The following PIK3C2G variants were observed in gnomAD, a reference collection of about 807,000 sequenced individuals.
PIK3C2G encodes phosphatidylinositol 3-kinase C2 domain-containing subunit gamma.
PIK3C2G carries 168 observed loss-of-function variants against 181.1 expected under a neutral mutation model. The ratio of observed to expected loss-of-function variants is 0.93; its 90% CI spans 0.82 to 1.05. The LOEUF (loss-of-function observed/expected upper bound fraction) is 1.05, where lower values mean the gene tolerates loss of function less well. Among genes scored for constraint, PIK3C2G ranks in the 50% least tolerant of loss-of-function variants. The pLI is 0.00. For synonymous variants in PIK3C2G, 573 were observed against 592.2 expected, an observed-to-expected ratio of 0.97 and a Z score of 0.47; for missense variants, 1,869 against 1,732.8, an observed-to-expected ratio of 1.08 and a Z score of -1.40.
chr12:18,445,250 C>A (rs1394714304), intron 18 of PIK3C2G, among the ~76,000 whole-genome samples: 2 of 151,908 alleles, frequency 1.3e-5, no homozygotes, highest in Non-Finnish European at 2.9e-5. Context: ...GAATTAATTT[C>A]TTTAATTAAC....
intron 16 of PIK3C2G, among the ~76,000 whole-genome samples, chr12:18,419,778 A>T (rs1198018906): frequency 6.6e-6 from 1 of 152,192 alleles, no homozygotes. Context: ...TTAATGAAGA[A>T]AAAATATGTA....
At chr12:18,490,913 C>T (rs548811482) in intron 19 of PIK3C2G, among the ~76,000 whole-genome samples, 1 of 152,234 alleles carries the variant, frequency 6.6e-6, no homozygotes, top group African/African-American at 2.4e-5. Context: ...GAAATATACT[C>T]ATTGATGTCC....
At chr12:18,488,106 T>G (rs1322177684) in intron 18 of PIK3C2G, among the ~76,000 whole-genome samples, 1 of 152,152 alleles carries the variant, frequency 6.6e-6, no homozygotes, top group Admixed American at 6.6e-5. Context: ...TTATAAAAAC[T>G]ATTTCTAAAG....
At chr12:18,466,880 T>C (rs1937939928) in intron 18 of PIK3C2G, among the ~76,000 whole-genome samples, 1 of 152,032 alleles carries the variant, frequency 6.6e-6, no homozygotes, top group African/African-American at 2.4e-5. Context: ...TAATAACATT[T>C]GACACAAACA....
chr12:18,264,092 G>A (rs1398255473), intron 1 of PIK3C2G, among the ~76,000 whole-genome samples: 3 of 151,742 alleles, frequency 2.0e-5, no homozygotes, highest in Non-Finnish European at 4.4e-5. Context: ...GCTTCCTACC[G>A]GTAGAAAATA....
At chr12:18,659,680 T>TTTA in the PIK3C2G span, among the ~76,000 whole-genome samples, 1 of 148,422 alleles carries the variant, frequency 6.7e-6, no homozygotes, top group Non-Finnish European at 1.5e-5. Flanking sequence ...TTTTTTTTTT[T>TTTA]ACTATTATTA....
chr12:18,417,756 C>CAA (rs530211891), intron 16 of PIK3C2G, among the ~76,000 whole-genome samples: 9 of 143,436 alleles, frequency 6.3e-5, no homozygotes, highest in Non-Finnish European at 1.1e-4. Context: ...TTAAAAAAAA[C>CAA]AAAAAAAAAA....
rs1950252448 is a variant in PIK3C2G at position 18,648,159 on chromosome 12, T to A, written c.*131T>A. 1 of 431,512 alleles carries A rather than the reference T, an allele frequency of 2.3e-6. No individual in the cohort carries two copies. Among genetic ancestry groups the A allele is most frequent in the Non-Finnish European group, 4.0e-6 (1 of 248,762 alleles). 26.7% of individuals were successfully genotyped at this position (431,512 alleles called of 1,614,324 possible). On this transcript the variant is annotated 3_prime_UTR_variant, in exon 33 of 33. Coordinates refer to ENST00000538779, the MANE Select transcript of PIK3C2G (RefSeq NM_001288772.2). ...GGGTATTAAGGACACAGAAAAAAAA[T>A]CAGAATTAGTCTTTTGTGTTGTTTA... is the stretch of plus-strand genomic sequence containing the variant.
At chr12:18,465,237 T>C (rs1447414872) in intron 18 of PIK3C2G, among the ~76,000 whole-genome samples, 1 of 151,940 alleles carries the variant, frequency 6.6e-6, no homozygotes, top group East Asian at 1.9e-4. Context: ...TTTAGCGTAC[T>C]TTATGTGTGT....
At chr12:18,270,984 T>C (rs1403764313) in intron 1 of PIK3C2G, among the ~76,000 whole-genome samples, 1 of 152,076 alleles carries the variant, frequency 6.6e-6, no homozygotes, top group Non-Finnish European at 1.5e-5. Context: ...TTGCTGATTT[T>C]TTTAGGCTTC....
chr12:18,566,179 T>G (rs1161205927), intron 28 of PIK3C2G, among the ~76,000 whole-genome samples: 1 of 152,338 alleles, frequency 6.6e-6, no homozygotes, highest in Admixed American at 6.5e-5. Flanking sequence ...ACATACATCT[T>G]TATCTTTGCT....
At chr12:18,294,521 T>C (rs1490266952) in intron 5 of PIK3C2G, among the ~76,000 whole-genome samples, 4 of 151,970 alleles carry the variant, frequency 2.6e-5, no homozygotes, top group Non-Finnish European at 5.9e-5. Context: ...GAAGAGTAAG[T>C]TCTAAACCAC....
intron 24 of PIK3C2G, among the ~76,000 whole-genome samples, chr12:18,529,125 A>G (rs533140133): frequency 6.6e-6 from 1 of 152,188 alleles, no homozygotes; most frequent in African/African-American, 2.4e-5. Flanking sequence ...ATTGGGATAG[A>G]TGACTGTTTC....
chr12:18,311,867 G>A lies in PIK3C2G; in HGVS notation c.1035-2095G>A, dbSNP rs755376395. Among the ~76,000 whole-genome samples, 14 of 152,164 alleles carry A rather than the reference G, an allele frequency of 9.2e-5. No individual in the cohort carries two copies. In the East Asian group the frequency reaches 1.5e-3, roughly 17 times the overall value. On this transcript the variant is annotated intron_variant, in intron 5 of 32. Transcript: ENST00000538779. ...AGCTAAAGAGCAAGAAAGCCAGTCC[G>A]AGTCCCAAAAACCTCAAAAGTAGGG... is the stretch of plus-strand genomic sequence containing the variant.
At chr12:18,276,732 T>C (rs1356442682) in intron 1 of PIK3C2G, among the ~76,000 whole-genome samples, 2 of 152,224 alleles carry the variant, frequency 1.3e-5, no homozygotes, top group African/African-American at 4.8e-5. Context: ...TTCATTTTTG[T>C]ATTACAAGTG....
chr12:18,501,117 C>T lies in PIK3C2G; in HGVS notation c.3017-2164C>T, dbSNP rs146238855. ...ACCTTAAGAGCTGTAACACTCACCG[C>T]GAAGGTCCGCGGCTTCATTCTTGAA... is the stretch of plus-strand genomic sequence containing the variant. On this transcript the variant is annotated intron_variant, in intron 22 of 32. Coordinates refer to ENST00000538779, the MANE Select transcript of PIK3C2G (RefSeq NM_001288772.2). 4.2e-3 allele frequency among the ~76,000 whole-genome samples: 633 copies of T among 152,292 alleles called. 4 individuals are homozygous for T. Among genetic ancestry groups the T allele is most frequent in the Non-Finnish European group, 6.1e-3 (414 of 68,024 alleles).
intron 6 of PIK3C2G, among the ~76,000 whole-genome samples, chr12:18,315,742 A>G (rs1261489899): frequency 6.6e-6 from 1 of 152,186 alleles, no homozygotes; most frequent in Admixed American, 6.5e-5. Flanking sequence ...GCAGAGAAGT[A>G]CAGATTTGAG....
In PIK3C2G at chr12:18,359,278, C is replaced by G. The variant is rs1173976936; in HGVS notation, c.1626-3486C>G. ...TCTGCTATTGACTTTGAATTTCATTCTCCTGTGGTCAGAAAAGCTACTTGA... is the reference window on the plus strand; with the variant it reads ...TCTGCTATTGACTTTGAATTTCATTGTCCTGTGGTCAGAAAAGCTACTTGA... On this transcript the variant is annotated intron_variant, in intron 11 of 32. Transcript: ENST00000538779. Among the ~76,000 whole-genome samples the G allele has an allele frequency of 5.9e-5, 9 of 152,272 alleles. No individual in the cohort carries two copies. In the East Asian group the frequency reaches 1.7e-3, roughly 29 times the overall value.
chr12:18,524,007 C>G (rs111298411), intron 24 of PIK3C2G, among the ~76,000 whole-genome samples: 1 of 152,154 alleles, frequency 6.6e-6, no homozygotes, highest in Non-Finnish European at 1.5e-5. Context: ...TATGGCACCT[C>G]CACTGGCCAG....
Sources: gnomAD v4.1 joint callset for allele counts (sites outside exome capture counted in the v4.1 genomes callset) on GRCh38, gnomAD v4.1.1 for gene constraint, MANE v1.5 for transcripts, NCBI Gene and HGNC (gene_info 2026-07-23, HGNC 2026-07-21) for gene names.